The following GRM8 variants were observed in gnomAD, a reference collection of about 807,000 sequenced individuals.
GRM8 encodes the protein glutamate metabotropic receptor 8, also known as metabotropic glutamate receptor 8.
In GRM8, 47 loss-of-function variants were observed where a neutral mutation model predicts 87.2. The observed-to-expected ratio is 0.54, with a 90% CI of 0.43 to 0.69. The LOEUF (loss-of-function observed/expected upper bound fraction) is 0.69, where lower values mean the gene tolerates loss of function less well. Among genes scored for constraint, GRM8 ranks in the 30% least tolerant of loss-of-function variants. GRM8 has a pLI of 0.00. For synonymous variants in GRM8, 396 were observed against 404.5 expected, an observed-to-expected ratio of 0.98 and a Z score of 0.25; for missense variants, 1,019 against 1,139.2, an observed-to-expected ratio of 0.89 and a Z score of 1.52.
chr7:126,971,443 CTCAT>C (rs1299093934), intron 3 of GRM8, among the ~76,000 whole-genome samples: 3 of 152,150 alleles, frequency 2.0e-5, no homozygotes, highest in Non-Finnish European at 2.9e-5. Context: ...CAGTGTTTCA[CTCAT>C]TCAAATATAT....
chr7:126,447,410 C>T (rs1245192102), intron 9 of GRM8, among the ~76,000 whole-genome samples: 3 of 151,682 alleles, frequency 2.0e-5, no homozygotes, highest in Non-Finnish European at 2.9e-5. Flanking sequence ...AGAGATTCTC[C>T]CTTTGTCATA....
chr7:126,617,845 G>C (rs1201132304), intron 7 of GRM8, among the ~76,000 whole-genome samples: 2 of 152,088 alleles, frequency 1.3e-5, no homozygotes, highest in Non-Finnish European at 2.9e-5. Flanking sequence ...TCTTCAAGGA[G>C]AACTACAAAC....
intron 7 of GRM8, among the ~76,000 whole-genome samples, chr7:126,631,670 T>G (rs1048858188): frequency 2.0e-5 from 3 of 152,128 alleles, no homozygotes; most frequent in Non-Finnish European, 2.9e-5. Flanking sequence ...AGCACGGTAC[T>G]GGTACAAAAA....
intron 6 of GRM8, among the ~76,000 whole-genome samples, chr7:126,899,050 G>A (rs1462021534): frequency 6.7e-6 from 1 of 149,634 alleles, no homozygotes; most frequent in African/African-American, 2.5e-5. Flanking sequence ...TATGAGTTTG[G>A]AGAAACTGGT....
intron 3 of GRM8, among the ~76,000 whole-genome samples, chr7:127,015,844 G>T (rs140525742): frequency 2.0e-5 from 3 of 152,112 alleles, no homozygotes; most frequent in Non-Finnish European, 4.4e-5. Flanking sequence ...CCAGCTGAAA[G>T]AGGAAGAACT....
chr7:126,609,694 G>T (rs1218185693), intron 7 of GRM8, among the ~76,000 whole-genome samples, 196 bp from the exon 8 acceptor site: 4 of 152,158 alleles, frequency 2.6e-5, no homozygotes, highest in Non-Finnish European at 5.9e-5. Flanking sequence ...ACACACACGA[G>T]TAAGACGTGC....
intron 2 of GRM8, among the ~76,000 whole-genome samples, chr7:127,221,075 T>C (rs1796897996): frequency 6.6e-6 from 1 of 152,174 alleles, no homozygotes; most frequent in African/African-American, 2.4e-5. Context: ...CCTGTTTTGC[T>C]CTTCTTGAAG....
chr7:126,795,283 T>C (rs1375234028), intron 6 of GRM8, among the ~76,000 whole-genome samples: 1 of 152,078 alleles, frequency 6.6e-6, no homozygotes, highest in Non-Finnish European at 1.5e-5. Flanking sequence ...GTTGAAACAA[T>C]CTAGCTCAGA....
At chr7:127,165,485 TC>T (rs1793399117) in intron 2 of GRM8, among the ~76,000 whole-genome samples, 1 of 152,016 alleles carries the variant, frequency 6.6e-6, no homozygotes, top group South Asian at 2.1e-4. Context: ...CAAGTTCACA[TC>T]GTAAACCTTC....
chr7:126,704,554 TC>T (rs1810285436), intron 7 of GRM8, among the ~76,000 whole-genome samples: 2 of 152,176 alleles, frequency 1.3e-5, no homozygotes, highest in African/African-American at 2.4e-5. Context: ...CTATTTCTCT[TC>T]TTTCAAAAGC....
intron 8 of GRM8, among the ~76,000 whole-genome samples, chr7:126,574,283 C>T (rs796734753): frequency 3.0e-4 from 46 of 152,272 alleles, no homozygotes; most frequent in African/African-American, 1.1e-3. Context: ...ACTGGCAGAA[C>T]ATTGAACTCC....
chr7:127,002,064 G>A (rs1412710796), intron 3 of GRM8, among the ~76,000 whole-genome samples: 1 of 151,500 alleles, frequency 6.6e-6, no homozygotes, highest in Non-Finnish European at 1.5e-5. Flanking sequence ...ACTACAAAGT[G>A]GCAGAAAGAA....
intron 6 of GRM8, among the ~76,000 whole-genome samples, chr7:126,793,660 AC>A (rs1821621636): frequency 6.6e-6 from 1 of 152,222 alleles, no homozygotes; most frequent in African/African-American, 2.4e-5. Context: ...TAGCCTTTTA[AC>A]CTATAGAGTC....
At chr7:127,185,671 A>T (rs1190098518) in intron 2 of GRM8, among the ~76,000 whole-genome samples, 2 of 152,220 alleles carry the variant, frequency 1.3e-5, no homozygotes, top group African/African-American at 4.8e-5. Flanking sequence ...TACTGGGCTC[A>T]GCCAAGTTCA....
At chr7:126,825,293 C>T (rs559913970) in intron 6 of GRM8, among the ~76,000 whole-genome samples, 77 of 152,274 alleles carry the variant, frequency 5.1e-4, no homozygotes, top group African/African-American at 1.7e-3. Flanking sequence ...GTCTCAATCT[C>T]CTGACCTTGT....
intron 8 of GRM8, among the ~76,000 whole-genome samples, chr7:126,544,635 C>T (rs6967944): frequency 0.026 from 3,913 of 152,050 alleles, 160 homozygotes; most frequent in African/African-American, 0.089. Context: ...CTCAGCCTCC[C>T]GAGTAGCTGG....
chr7:126,467,744 G>A (rs1171193971), intron 9 of GRM8, among the ~76,000 whole-genome samples: 5 of 151,982 alleles, frequency 3.3e-5, no homozygotes. Context: ...AAATTAAAAT[G>A]TATTCTGAAA....
intron 3 of GRM8, among the ~76,000 whole-genome samples, chr7:126,967,124 T>G (rs1324195345): frequency 6.6e-6 from 1 of 151,966 alleles, no homozygotes; most frequent in Non-Finnish European, 1.5e-5. Flanking sequence ...CAGATGGGTT[T>G]CTGGTAGTTG....
chr7:127,202,205 G>A (rs909353326), intron 2 of GRM8, among the ~76,000 whole-genome samples: 3 of 151,094 alleles, frequency 2.0e-5, no homozygotes, highest in African/African-American at 7.3e-5. Context: ...AAAAAAAAAG[G>A]GTCTCACTCT....
Sources: allele counts gnomAD v4.1 joint callset (sites outside exome capture counted in the v4.1 genomes callset), GRCh38; gene constraint gnomAD v4.1.1; transcripts MANE v1.5; gene names NCBI Gene and HGNC (gene_info 2026-07-23, HGNC 2026-07-21).